Variants in LYRM9 observed in about 807,000 individuals in gnomAD.
The protein encoded by LYRM9 is LYR motif-containing protein 9.
Under a neutral mutation model 12.6 loss-of-function variants are expected in LYRM9, and 14 were observed. The ratio of observed to expected loss-of-function variants is 1.11; its 90% CI spans 0.73 to 1.73. The LOEUF (loss-of-function observed/expected upper bound fraction) is 1.73, where lower values mean the gene tolerates loss of function less well. LYRM9 is among the 40% of genes most tolerant of loss of function. LYRM9 has a pLI of 0.00. For synonymous variants in LYRM9, 42 were observed against 35.1 expected (o/e 1.20, Z -0.69); for missense variants, 94 against 95.0 (o/e 0.99, Z 0.04).
intron 1 of LYRM9, among the ~76,000 whole-genome samples, chr17:27,884,374 G>A (rs1372470572): frequency 6.6e-6 from 1 of 152,180 alleles, no homozygotes; most frequent in Non-Finnish European, 1.5e-5. Context: ...CGTGAGCTCT[G>A]GAATCAGTGT....
chr17:27,891,073 C>T (rs1428775471), intron 1 of LYRM9, among the ~76,000 whole-genome samples: 1 of 152,046 alleles, frequency 6.6e-6, no homozygotes, highest in Non-Finnish European at 1.5e-5. Context: ...GATCTGTCTC[C>T]CTCCTTCCAG....
chr17:27,892,729 G>C (rs1452564269), intron 1 of LYRM9: 1 of 263,504 alleles, frequency 3.8e-6, no homozygotes, highest in Non-Finnish European at 7.6e-6. Flanking sequence ...GGTGACAGCT[G>C]CACAACTCTG....
intron 1 of LYRM9, among the ~76,000 whole-genome samples, chr17:27,888,856 A>T (rs373108357): frequency 1.3e-5 from 2 of 152,250 alleles, no homozygotes; most frequent in East Asian, 3.9e-4. Flanking sequence ...TGCTCAAGCT[A>T]TTGGAAAGTC....
At chr17:27,883,124 C>A in intron 1 of LYRM9, 2 of 417,854 alleles carry the variant, frequency 4.8e-6, no homozygotes, top group Non-Finnish European at 1.0e-5. Context: ...TGCCTACAGG[C>A]CTGAGCCTTG....
rs1238464395 is a variant in LYRM9, at chr17:27,886,803, A to G, written c.-18-4091T>C. Among the ~76,000 whole-genome samples the G allele has an allele frequency of 2.6e-5, 4 of 151,534 alleles. No individual in the cohort carries two copies. Among genetic ancestry groups the G allele is most frequent in the Non-Finnish European group, 5.9e-5 (4 of 67,884 alleles). On this transcript the variant is annotated intron_variant, in intron 1 of 3. Transcript: ENST00000379102. The surrounding 1 kb of genome is among the most constrained non-coding windows in gnomAD (Gnocchi z 4.8). ...TGGGATTACAGGTGCATGCCACCACACCCAGCTAATTTTCGTATTTTTAGT... is the reference window on the plus strand; with the variant it reads ...TGGGATTACAGGTGCATGCCACCACGCCCAGCTAATTTTCGTATTTTTAGT...
intron 1 of LYRM9, among the ~76,000 whole-genome samples, chr17:27,890,574 T>C (rs1345761238): frequency 1.3e-5 from 2 of 152,214 alleles, no homozygotes; most frequent in African/African-American, 2.4e-5. Context: ...CCAAGTGTTA[T>C]CACTGGCACA....
chr17:27,889,487 T>C (rs915736727), intron 1 of LYRM9, among the ~76,000 whole-genome samples: 1 of 152,048 alleles, frequency 6.6e-6, no homozygotes, highest in African/African-American at 2.4e-5. Context: ...TTTCTATTTT[T>C]AGTAGAGACG....
rs1905238653 is a variant in LYRM9, at chr17:27,886,620, G to A, written c.-18-3908C>T. 6.6e-6 allele frequency among the ~76,000 whole-genome samples: 1 copy of A among 150,794 alleles called. No homozygotes were observed. The highest frequency in any genetic ancestry group is 2.4e-5 in the African/African-American group (1 of 40,836). ...GTTCCTCCTTCTCCTCAATCCCCAT[G>A]CCACTGGTTTCTTTCTTTTCTTTTC... On this transcript the variant is annotated intron_variant, in intron 1 of 3. Coordinates refer to ENST00000379102, the MANE Select transcript of LYRM9 (RefSeq NM_001076680.3). The surrounding 1 kb of genome is among the most constrained non-coding windows in gnomAD (Gnocchi z 4.8).
intron 1 of LYRM9, among the ~76,000 whole-genome samples, chr17:27,891,635 C>G (rs1437068765): frequency 1.3e-5 from 2 of 152,210 alleles, no homozygotes; most frequent in Non-Finnish European, 2.9e-5. Context: ...GCTGTTCACA[C>G]CCCTATTACA....
chr17:27,890,947 C>T (rs9906654), intron 1 of LYRM9, among the ~76,000 whole-genome samples: 6 of 151,680 alleles, frequency 4.0e-5, no homozygotes, highest in African/African-American at 1.5e-4. Flanking sequence ...CCCTCTCCTA[C>T]ATAGCCAAGG....
rs1218675298 is a variant in LYRM9, at chr17:27,882,557, G to A, written c.126+12C>T. 2 of 1,570,984 alleles carry A rather than the reference G, an allele frequency of 1.3e-6. No individual in the cohort carries two copies. The highest frequency in any genetic ancestry group is 1.7e-6 in the Non-Finnish European group (2 of 1,159,674). ...AGAGGCAGCCCCCAGACCTGGTAGA[G>A]CCAGCTCGCACCTGCCTGACAGCAT... On this transcript the variant is annotated intron_variant, in intron 2 of 3. Coordinates refer to ENST00000379102, the MANE Select transcript of LYRM9 (RefSeq NM_001076680.3).
At chr17:27,880,184 C>T in intron 3 of LYRM9, 90 bp downstream of exon 3, 3 of 1,012,014 alleles carry the variant, frequency 3.0e-6, no homozygotes, top group Middle Eastern at 4.0e-4. Context: ...CCATTCTCAA[C>T]TGTGGGGCAG....
At chr17:27,887,857 A>T (rs1905290297) in intron 1 of LYRM9, among the ~76,000 whole-genome samples, 1 of 152,150 alleles carries the variant, frequency 6.6e-6, no homozygotes. Context: ...GTTCAAGCAC[A>T]AAGGCTGGAA....
chr17:27,882,687 G>C lies in LYRM9; in HGVS notation c.8C>G (p.Pro3Arg). The change falls in exon 2 of 4, where the codon CCG (proline) becomes CGG (arginine). Residue 3 changes from proline (P) to arginine (R), a missense_variant. Physicochemically the swap from Pro to Arg is moderately radical, Grantham distance 103. Transcript: ENST00000379102. ...CCGAACCAGTTCTGCTCCTGGCAGC[G>C]GGGCCATCCGTGAGACCCTCTGTCC... MA[P>R]LPGAELVRRP... 6.2e-7 allele frequency: 1 copy of C among 1,601,536 alleles called. No homozygotes were observed. The highest frequency in any genetic ancestry group is 8.5e-7 in the Non-Finnish European group (1 of 1,174,060).
intron 2 of LYRM9, among the ~76,000 whole-genome samples, chr17:27,882,203 A>G (rs1905083524): frequency 6.6e-6 from 1 of 152,112 alleles, no homozygotes; most frequent in Non-Finnish European, 1.5e-5. Flanking sequence ...GTACAGGCCT[A>G]TTAGTTATGT....
chr17:27,884,568 C>T (rs137906675), intron 1 of LYRM9, among the ~76,000 whole-genome samples: 236 of 152,344 alleles, frequency 1.5e-3, no homozygotes, highest in African/African-American at 5.5e-3. Flanking sequence ...CCCTTCCTCA[C>T]GGTCCCTCTC....
chr17:27,888,514 T>C (rs1905311354), intron 1 of LYRM9, among the ~76,000 whole-genome samples: 1 of 152,248 alleles, frequency 6.6e-6, no homozygotes, highest in African/African-American at 2.4e-5. Context: ...GATGTGGTTA[T>C]GTGGGAGAAT....
At position 27,882,668 on chromosome 17, in the gene LYRM9, C is replaced by T; in HGVS notation, c.27G>A (p.Leu9=). The part of the protein sequence containing the change: MAPLPGAE[L]VRRPLQLYRY... ...GGTAGAGCTGCAGTGGCCTCCGAACCAGTTCTGCTCCTGGCAGCGGGGCCA... is the reference window on the plus strand; with the variant it reads ...GGTAGAGCTGCAGTGGCCTCCGAACTAGTTCTGCTCCTGGCAGCGGGGCCA... Residue 9 remains leucine (L), a synonymous_variant, in exon 2 of 4, where the codon CTG becomes CTA. Coordinates refer to ENST00000379102, the MANE Select transcript of LYRM9 (RefSeq NM_001076680.3). 6.2e-7 allele frequency: 1 copy of T among 1,604,928 alleles called. No homozygotes were observed. The highest frequency in any genetic ancestry group is 1.1e-5 in the South Asian group (1 of 89,084).
chr17:27,889,142 AAC>A (rs1476980603), intron 1 of LYRM9, among the ~76,000 whole-genome samples: 3 of 152,096 alleles, frequency 2.0e-5, no homozygotes, highest in Non-Finnish European at 4.4e-5. Context: ...ATGGGAAAAC[AAC>A]AGTTTGGCCA....
Sources: allele counts gnomAD v4.1 joint callset (sites outside exome capture counted in the v4.1 genomes callset), GRCh38; gene constraint gnomAD v4.1.1; non-coding constraint Gnocchi (gnomAD v3.1); transcripts MANE v1.5; gene names NCBI Gene and HGNC (gene_info 2026-07-23, HGNC 2026-07-21).